The following PAK1 variants were observed in gnomAD, a reference collection of about 807,000 sequenced individuals.
The protein encoded by PAK1 is p21 (RAC1) activated kinase 1.
PAK1 carries 29 observed loss-of-function variants against 67.4 expected under a neutral mutation model. That is an observed-to-expected ratio of 0.43 (90% CI 0.32 to 0.59). The LOEUF (loss-of-function observed/expected upper bound fraction) is 0.59. Among genes scored for constraint, PAK1 ranks in the 20% least tolerant of loss-of-function variants. The pLI is 0.07. For missense variants in PAK1, 337 were observed against 670.7 expected (o/e 0.50, Z 5.50); for synonymous variants, 223 against 237.4 (o/e 0.94, Z 0.56).
Position 77,417,128 on chromosome 11 carries a change from T to A in PAK1, c.-21-24587A>T, listed in dbSNP as rs541192690. Among the ~76,000 whole-genome samples, 12 of 152,346 alleles carry A rather than the reference T, an allele frequency of 7.9e-5. No individual in the cohort carries two copies. The South Asian group carries it at 2.5e-3, about 32-fold the overall frequency. On this transcript the variant is annotated intron_variant, in intron 1 of 14. Coordinates refer to ENST00000356341, the MANE Select transcript of PAK1 (RefSeq NM_002576.5). Reference sequence around the variant, plus strand: ...GAATCATCATTATGTGATTATAGTATTCCTAGGTATTTACTCAAATGAGTT... The same window carrying A: ...GAATCATCATTATGTGATTATAGTAATCCTAGGTATTTACTCAAATGAGTT...
chr11:77,405,672 C>G (rs78672532), intron 1 of PAK1, among the ~76,000 whole-genome samples: 1,585 of 94,212 alleles, frequency 0.017, 35 homozygotes, highest in African/African-American at 0.093. Flanking sequence ...GACAGACAGA[C>G]AGACACACAC....
At chr11:77,372,576 C>T (rs1037139370) in intron 5 of PAK1, among the ~76,000 whole-genome samples, 4 of 152,138 alleles carry the variant, frequency 2.6e-5, no homozygotes, top group East Asian at 3.8e-4. Flanking sequence ...GATGGTGACT[C>T]GGTATTGTGT....
At chr11:77,482,372 A>C in the PAK1 span, among the ~76,000 whole-genome samples, 1 of 152,264 alleles carries the variant, frequency 6.6e-6, no homozygotes, top group Non-Finnish European at 1.5e-5. Flanking sequence ...CTGATGCCTT[A>C]GAAGATAAAA....
chr11:77,351,108 A>G (rs933141289), intron 8 of PAK1, among the ~76,000 whole-genome samples: 3 of 152,222 alleles, frequency 2.0e-5, no homozygotes, highest in Admixed American at 2.0e-4. Context: ...GAGAAATAAA[A>G]GCAAGCAAAA....
intron 1 of PAK1, among the ~76,000 whole-genome samples, chr11:77,469,651 C>T (rs1565726031): frequency 6.6e-6 from 1 of 150,914 alleles, no homozygotes; most frequent in African/African-American, 2.4e-5. Context: ...CAAATTACAA[C>T]ATTACCCCTT....
intron 1 of PAK1, among the ~76,000 whole-genome samples, chr11:77,465,008 GTGTGTC>G (rs1034938549): frequency 8.0e-5 from 12 of 150,456 alleles, no homozygotes; most frequent in Non-Finnish European, 1.0e-4. Flanking sequence ...GTGTGTGTGT[GTGTGTC>G]TGTGTGTGTG....
chr11:77,344,001 G>A (rs993581141), intron 9 of PAK1, 70 bp from the exon 10 acceptor site: 3 of 950,720 alleles, frequency 3.2e-6, no homozygotes, highest in African/African-American at 1.6e-5. Context: ...CTAAGTACCA[G>A]ACCTTAAGTA....
At chr11:77,467,559 T>C (rs1036896272) in intron 1 of PAK1, among the ~76,000 whole-genome samples, 1 of 152,244 alleles carries the variant, frequency 6.6e-6, no homozygotes, top group Non-Finnish European at 1.5e-5. Flanking sequence ...GCAGTGCTTC[T>C]CAACTTTGCA....
intron 2 of PAK1, among the ~76,000 whole-genome samples, chr11:77,391,141 A>G (rs975847882): frequency 2.6e-5 from 4 of 152,170 alleles, no homozygotes; most frequent in African/African-American, 7.2e-5. Context: ...ACAACATGAG[A>G]TATTTTCCGC....
At chr11:77,477,452 C>T (rs930584204), upstream of PAK1, among the ~76,000 whole-genome samples, 1 of 150,804 alleles carries the variant, frequency 6.6e-6, no homozygotes, top group Non-Finnish European at 1.5e-5. Flanking sequence ...GAGGCCAGAC[C>T]AGGTGCCTTG....
chr11:77,462,729 G>A (rs992798532), intron 1 of PAK1, among the ~76,000 whole-genome samples: 3 of 151,918 alleles, frequency 2.0e-5, no homozygotes, highest in Non-Finnish European at 4.4e-5. Context: ...CTACTTGGGA[G>A]GCTGAGGCAG....
chr11:77,341,996 T>C (rs1388403521), intron 10 of PAK1, among the ~76,000 whole-genome samples: 2 of 152,224 alleles, frequency 1.3e-5, no homozygotes, highest in African/African-American at 4.8e-5. Context: ...TGAACTGCTA[T>C]GGTCTGAATG....
chr11:77,398,058 T>A (rs1448736084), intron 1 of PAK1, among the ~76,000 whole-genome samples: 1 of 152,238 alleles, frequency 6.6e-6, no homozygotes, highest in Admixed American at 6.5e-5. Context: ...TGCAAAATAA[T>A]CATATCATGG....
chr11:77,490,698 T>C, the PAK1 span, among the ~76,000 whole-genome samples: 110 of 152,128 alleles, frequency 7.2e-4, 1 homozygote, highest in African/African-American at 2.6e-3. Flanking sequence ...TGGGGAAAGG[T>C]GGGGAAAAGA....
chr11:77,476,671 A>G (rs1304728690), upstream of PAK1: 2 of 152,338 alleles, frequency 1.3e-5, no homozygotes, highest in African/African-American at 4.8e-5. Flanking sequence ...CTTCTGAACT[A>G]CAGAACTGTG....
At chr11:77,454,177 C>A (rs957861264) in intron 1 of PAK1, among the ~76,000 whole-genome samples, 9 of 152,190 alleles carry the variant, frequency 5.9e-5, no homozygotes, top group African/African-American at 1.9e-4. Flanking sequence ...GGCACTTCCA[C>A]ATATATTTGT....
the PAK1 span, among the ~76,000 whole-genome samples, chr11:77,524,407 C>T: frequency 1.2e-3 from 177 of 152,338 alleles, no homozygotes; most frequent in African/African-American, 4.2e-3. Flanking sequence ...TCATCCATCT[C>T]CTAGCATGCC....
At chr11:77,508,715 A>G in the PAK1 span, among the ~76,000 whole-genome samples, 1 of 143,522 alleles carries the variant, frequency 7.0e-6, no homozygotes, top group Non-Finnish European at 1.5e-5. Flanking sequence ...GCTGAAGTGC[A>G]GTGGCGCGAT....
intron 1 of PAK1, among the ~76,000 whole-genome samples, chr11:77,433,588 G>A (rs1312212439): frequency 6.6e-6 from 1 of 152,102 alleles, no homozygotes; most frequent in Non-Finnish European, 1.5e-5. Flanking sequence ...GACCATCCTG[G>A]CTAACACGGT....
Sources: gnomAD v4.1 joint callset for allele counts (sites outside exome capture counted in the v4.1 genomes callset) on GRCh38, gnomAD v4.1.1 for gene constraint, MANE v1.5 for transcripts, NCBI Gene and HGNC (gene_info 2026-07-23, HGNC 2026-07-21) for gene names.